ADAMTSL1: variants seen among roughly 807,000 people sequenced by gnomAD.
ADAMTSL1 encodes ADAMTS like 1.
ADAMTSL1 carries 126 observed loss-of-function variants against 201.8 expected under a neutral mutation model. The ratio of observed to expected loss-of-function variants is 0.62; its 90% CI spans 0.54 to 0.72. The LOEUF (loss-of-function observed/expected upper bound fraction) is 0.72, where lower values mean the gene tolerates loss of function less well. ADAMTSL1 is among the 30% of genes least tolerant of loss of function. The pLI is 0.00. For synonymous variants in ADAMTSL1, 1,121 were observed against 903.4 expected (o/e 1.24, Z -4.32); for missense variants, 2,679 against 2,277.8 (o/e 1.18, Z -3.59).
intron 1 of ADAMTSL1, among the ~76,000 whole-genome samples, chr9:17,938,526 G>A (rs543711619): frequency 1.3e-5 from 2 of 152,274 alleles, no homozygotes; most frequent in South Asian, 2.1e-4. Flanking sequence ...TTTGACTGAA[G>A]CCAGTATTCC....
At chr9:18,843,845 C>T (rs1240032975) in intron 23 of ADAMTSL1, among the ~76,000 whole-genome samples, 6 of 151,252 alleles carry the variant, frequency 4.0e-5, no homozygotes, top group African/African-American at 1.5e-4. Context: ...GAGGCTTCTG[C>T]ATTCTTCACG....
chr9:18,082,214 G>A (rs562831746), intron 1 of ADAMTSL1, among the ~76,000 whole-genome samples: 1 of 152,274 alleles, frequency 6.6e-6, no homozygotes, highest in East Asian at 1.9e-4. Flanking sequence ...ACATATAGAG[G>A]ATAAGAAGTA....
chr9:18,091,749 T>G (rs1824028755), intron 1 of ADAMTSL1, among the ~76,000 whole-genome samples: 1 of 152,056 alleles, frequency 6.6e-6, no homozygotes, highest in Non-Finnish European at 1.5e-5. Context: ...AGTGTGCTAT[T>G]AAAAAGTAAA....
Position 18,279,010 on chromosome 9 carries a change from G to C in ADAMTSL1, c.207+115029G>C, listed in dbSNP as rs556318722. Among the ~76,000 whole-genome samples the C allele has an allele frequency of 7.0e-4, 106 of 152,012 alleles. No individual in the cohort carries two copies. The South Asian group carries it at 0.021, about 30-fold the overall frequency. The stretch of plus-strand genomic sequence containing the variant: ...TGTGTTATGTAGTGCTAGAATTTTT[G>C]TTTGGTTCTTTTTATGATTTCTCCC... On this transcript the variant is annotated intron_variant, in intron 2 of 29. Transcript: ENST00000680146.
intron 4 of ADAMTSL1, among the ~76,000 whole-genome samples, chr9:18,592,661 C>G (rs1824000333): frequency 6.6e-6 from 1 of 152,146 alleles, no homozygotes; most frequent in Non-Finnish European, 1.5e-5. Flanking sequence ...AATGTGATTC[C>G]TCAGTTTTGT....
In ADAMTSL1 at chr9:18,731,016, A is replaced by G. The variant is rs553591831; in HGVS notation, c.2006+9351A>G. 5.9e-5 allele frequency among the ~76,000 whole-genome samples: 9 copies of G among 152,322 alleles called. No homozygotes were observed. The East Asian group carries it at 1.2e-3, about 20-fold the overall frequency. On this transcript the variant is annotated intron_variant, in intron 15 of 28. Coordinates refer to ENST00000380548, the MANE Select transcript of ADAMTSL1 (RefSeq NM_001040272.6). ...AAGCCGTGACTTATTTTGATCATAT[A>G]TATGCCTCTAGAAGAGATGGCTGAT...
intron 2 of ADAMTSL1, among the ~76,000 whole-genome samples, chr9:18,269,739 G>A (rs2132571267): frequency 6.6e-6 from 1 of 152,134 alleles, no homozygotes; most frequent in East Asian, 1.9e-4. Flanking sequence ...TTGTTTGGGT[G>A]ATATTCAAAG....
intron 4 of ADAMTSL1, among the ~76,000 whole-genome samples, chr9:18,604,726 C>T (rs1037282446): frequency 6.6e-6 from 1 of 152,152 alleles, no homozygotes. Flanking sequence ...CATAGGCACA[C>T]AAGTGTATGT....
chr9:18,712,305 A>G (rs1265546103), intron 14 of ADAMTSL1, among the ~76,000 whole-genome samples: 3 of 152,196 alleles, frequency 2.0e-5, no homozygotes, highest in African/African-American at 7.2e-5. Context: ...ACTCCGAGCT[A>G]TGGGAGGACA....
chr9:18,865,110 C>T (rs57229120), intron 23 of ADAMTSL1, among the ~76,000 whole-genome samples: 24,813 of 151,988 alleles, frequency 0.16, 3,793 homozygotes, highest in African/African-American at 0.4. Context: ...TACATATGTA[C>T]ACATGTGCCA....
rs549277071 is a variant in ADAMTSL1 at position 18,756,924 on chromosome 9, T to C, written c.2217+3416T>C. On this transcript the variant is annotated intron_variant, in intron 16 of 28. Transcript: ENST00000380548. ...CCAGATAGGAATGCAACCTTCTTTG[T>C]TCTTTGTAGAGTATTTGTCTGACAA... Among the ~76,000 whole-genome samples the C allele has an allele frequency of 8.8e-4, 134 of 152,380 alleles. 1 individual carries two copies. Among genetic ancestry groups the C allele is most frequent in the African/African-American group, 3.2e-3 (132 of 41,592 alleles).
chr9:18,313,782 A>G (rs979988414), intron 2 of ADAMTSL1, among the ~76,000 whole-genome samples: 1 of 152,156 alleles, frequency 6.6e-6, no homozygotes, highest in African/African-American at 2.4e-5. Flanking sequence ...CTTGGCAACA[A>G]CTTGTTTGGT....
At position 18,097,560 on chromosome 9, in the gene ADAMTSL1, C is replaced by T. The variant is rs544451479; in HGVS notation, c.88-66302C>T. ...ATTGTATAAAAGTCTGGCTGCTCCA[C>T]ATCCTTGTTAATACTTCGTGTGGTC... On this transcript the variant is annotated intron_variant, in intron 1 of 29. Transcript: ENST00000680146. 5.9e-5 allele frequency among the ~76,000 whole-genome samples: 9 copies of T among 152,336 alleles called. No individual in the cohort carries two copies. In the South Asian group the frequency reaches 1.9e-3, roughly 32 times the overall value.
chr9:18,491,527 C>G (rs553442170), intron 1 of ADAMTSL1, among the ~76,000 whole-genome samples: 1 of 152,122 alleles, frequency 6.6e-6, no homozygotes, highest in Non-Finnish European at 1.5e-5. Flanking sequence ...GCATTGAGAG[C>G]CAGAGATGGC....
intron 20 of ADAMTSL1, among the ~76,000 whole-genome samples, chr9:18,810,641 C>T (rs553678673): frequency 6.6e-6 from 1 of 152,276 alleles, no homozygotes; most frequent in African/African-American, 2.4e-5. Context: ...TGAATATGAT[C>T]TCATGGGGAC....
At chr9:18,693,491 A>G (rs1831362563) in intron 13 of ADAMTSL1, among the ~76,000 whole-genome samples, 1 of 152,216 alleles carries the variant, frequency 6.6e-6, no homozygotes. Context: ...CTATAGCCAT[A>G]TGAAACTCCT....
chr9:18,381,712 A>G (rs1349100611), intron 2 of ADAMTSL1, among the ~76,000 whole-genome samples: 1 of 152,160 alleles, frequency 6.6e-6, no homozygotes, highest in Non-Finnish European at 1.5e-5. Context: ...TGGCTCTGTA[A>G]AGAAGCAGGG....
chr9:18,817,259 G>T (rs1008535929), intron 21 of ADAMTSL1, 22 bp downstream of exon 21: 7 of 1,549,358 alleles, frequency 4.5e-6, no homozygotes, highest in Non-Finnish European at 5.2e-6. Context: ...ATGTTCATTT[G>T]TTCACACGTT....
chr9:18,378,677 CT>C (rs1323332317), intron 2 of ADAMTSL1, among the ~76,000 whole-genome samples: 1 of 152,174 alleles, frequency 6.6e-6, no homozygotes, highest in African/African-American at 2.4e-5. Flanking sequence ...CTTCTCTTTT[CT>C]GGCTCTCATG....
Sources: allele counts gnomAD v4.1 joint callset (sites outside exome capture counted in the v4.1 genomes callset), GRCh38; gene constraint gnomAD v4.1.1; transcripts MANE v1.5; gene names NCBI Gene and HGNC (gene_info 2026-07-23, HGNC 2026-07-21).